The following ANK3 variants were observed in gnomAD, a reference collection of about 807,000 sequenced individuals.
The protein encoded by ANK3 is ankyrin-3.
A neutral mutation model predicts 370.9 loss-of-function variants in ANK3; 57 were observed. The ratio of observed to expected loss-of-function variants is 0.15; its 90% CI spans 0.12 to 0.19. The LOEUF (loss-of-function observed/expected upper bound fraction) is 0.19. Among genes scored for constraint, ANK3 ranks in the 10% least tolerant of loss-of-function variants. The pLI is 1.00. For synonymous variants in ANK3, 1,929 were observed against 1,946.3 expected, an observed-to-expected ratio of 0.99 and a Z score of 0.23; for missense variants, 4,439 against 5,302.1, an observed-to-expected ratio of 0.84 and a Z score of 5.06.
At chr10:60,422,057 C>CA (rs2063789591) in intron 2 of ANK3, among the ~76,000 whole-genome samples, 1 of 152,078 alleles carries the variant, frequency 6.6e-6, no homozygotes. Context: ...GGAATTTGAA[C>CA]ATGGCTTGAG....
chr10:60,240,068 T>TATATAC (rs1227547953), intron 7 of ANK3, among the ~76,000 whole-genome samples: 1 of 15,578 alleles, frequency 6.4e-5, no homozygotes, highest in Non-Finnish European at 1.8e-4. Flanking sequence ...CATATATACA[T>TATATAC]ATATATACAT....
At chr10:60,051,073 T>C (rs2077887549) in intron 42 of ANK3, among the ~76,000 whole-genome samples, 1 of 152,182 alleles carries the variant, frequency 6.6e-6, no homozygotes, top group African/African-American at 2.4e-5. Flanking sequence ...TTTAATTCTT[T>C]CATTCTCTTT....
intron 26 of ANK3, among the ~76,000 whole-genome samples, chr10:60,112,734 T>G (rs934345779): frequency 2.0e-5 from 3 of 152,178 alleles, no homozygotes; most frequent in African/African-American, 7.2e-5. Flanking sequence ...ATGTAAAAGA[T>G]TTAGCACAAT....
chr10:60,621,953 A>G (rs185277853), intron 1 of ANK3, among the ~76,000 whole-genome samples: 84 of 152,322 alleles, frequency 5.5e-4, no homozygotes, highest in African/African-American at 1.9e-3. Flanking sequence ...GGCTTACTCA[A>G]TCTAGTAGTA....
intron 2 of ANK3, among the ~76,000 whole-genome samples, chr10:60,538,839 G>T (rs2076782546): frequency 6.6e-6 from 1 of 151,854 alleles, no homozygotes; most frequent in Non-Finnish European, 1.5e-5. Flanking sequence ...AAAATAAATG[G>T]TATGTTTAAA....
intron 1 of ANK3, among the ~76,000 whole-genome samples, chr10:60,371,999 G>T (rs1258185124): frequency 6.6e-6 from 1 of 152,108 alleles, no homozygotes; most frequent in Admixed American, 6.6e-5. Context: ...AAGGTAATGG[G>T]AAATACTACA....
chr10:60,421,370 G>A (rs10994338), intron 2 of ANK3, among the ~76,000 whole-genome samples: 12,099 of 151,914 alleles, frequency 0.08, 912 homozygotes, highest in East Asian at 0.22. Flanking sequence ...GGAGAAAAAA[G>A]GGAAAGTCTT....
At chr10:60,489,372 T>C (rs1160302878) in intron 2 of ANK3, among the ~76,000 whole-genome samples, 1 of 152,218 alleles carries the variant, frequency 6.6e-6, no homozygotes, top group Non-Finnish European at 1.5e-5. Flanking sequence ...TTATTACATG[T>C]TATGTATTAC....
At chr10:60,424,586 A>T (rs544381610) in intron 2 of ANK3, among the ~76,000 whole-genome samples, 2 of 152,204 alleles carry the variant, frequency 1.3e-5, no homozygotes, top group Admixed American at 6.5e-5. Context: ...TGCCCTTGAG[A>T]ACCTTACAAT....
intron 1 of ANK3, among the ~76,000 whole-genome samples, chr10:60,651,384 G>A (rs1024687904): frequency 1.3e-5 from 2 of 152,014 alleles, no homozygotes; most frequent in African/African-American, 2.4e-5. Flanking sequence ...TTTCAGCAAG[G>A]GCCTCAGTCA....
At chr10:60,252,302 C>T (rs942920163) in intron 7 of ANK3, among the ~76,000 whole-genome samples, 7 of 152,146 alleles carry the variant, frequency 4.6e-5, no homozygotes, top group African/African-American at 1.7e-4. Flanking sequence ...TGAGCAGATC[C>T]AAATGCACTG....
chr10:60,682,728 C>CT (rs2079213182), intron 1 of ANK3, among the ~76,000 whole-genome samples: 3 of 152,180 alleles, frequency 2.0e-5, no homozygotes, highest in Non-Finnish European at 2.9e-5. Context: ...AGCTGAACAC[C>CT]TAGAGGTTCC....
chr10:60,513,335 A>G (rs2076136421), intron 2 of ANK3, among the ~76,000 whole-genome samples: 1 of 152,104 alleles, frequency 6.6e-6, no homozygotes, highest in South Asian at 2.1e-4. Flanking sequence ...ATTTAAACAT[A>G]AAAATCCAAC....
At chr10:60,653,893 A>C (rs1250121162) in intron 1 of ANK3, among the ~76,000 whole-genome samples, 3 of 152,184 alleles carry the variant, frequency 2.0e-5, no homozygotes, top group South Asian at 4.1e-4. Flanking sequence ...TGCTTTGGCT[A>C]TTCTAGGTTG....
rs554141658 is a variant in ANK3 at position 60,228,055 on chromosome 10, C to T, written c.897+6633G>A. ...AGCAGAAGGCTTAGTCCAATGCATG[C>T]TATTCCATCATAACTTAATGCCAGA... is the stretch of plus-strand genomic sequence containing the variant. On this transcript the variant is annotated intron_variant, in intron 8 of 43. Coordinates refer to ENST00000280772, the MANE Select transcript of ANK3 (RefSeq NM_020987.5). Among the ~76,000 whole-genome samples, 4 of 152,258 alleles carry T rather than the reference C, an allele frequency of 2.6e-5. No individual in the cohort carries two copies. The South Asian group carries it at 8.3e-4, about 32-fold the overall frequency.
chr10:60,279,932 G>C (rs897874597), intron 1 of ANK3, among the ~76,000 whole-genome samples: 2 of 152,180 alleles, frequency 1.3e-5, no homozygotes, highest in African/African-American at 4.8e-5. Flanking sequence ...AGAGGGAAAA[G>C]AGAAATTCTA....
chr10:60,146,033 A>G, intron 23 of ANK3: 1 of 1,460,666 alleles, frequency 6.8e-7, no homozygotes, highest in East Asian at 2.5e-5. Flanking sequence ...TATTCAAAAA[A>G]TGAATAAAAT....
At chr10:60,363,600 T>C (rs756414517) in intron 1 of ANK3, among the ~76,000 whole-genome samples, 27 of 152,230 alleles carry the variant, frequency 1.8e-4, no homozygotes, top group Non-Finnish European at 3.4e-4. Context: ...AGGGCAACAC[T>C]TCTCCGACTG....
intron 26 of ANK3, among the ~76,000 whole-genome samples, chr10:60,111,342 G>A (rs1186144795): frequency 1.3e-5 from 2 of 152,120 alleles, no homozygotes; most frequent in Non-Finnish European, 2.9e-5. Flanking sequence ...TTATTGTTCT[G>A]AGGTTCTCAA....
Sources: allele counts gnomAD v4.1 joint callset (sites outside exome capture counted in the v4.1 genomes callset), GRCh38; gene constraint gnomAD v4.1.1; transcripts MANE v1.5; gene names NCBI Gene and HGNC (gene_info 2026-07-23, HGNC 2026-07-21).